DAB1: variants seen among roughly 807,000 people sequenced by gnomAD.
DAB1 encodes the protein DAB adaptor protein 1, also known as disabled homolog 1.
Under a neutral mutation model 64.6 loss-of-function variants are expected in DAB1, and 15 were observed. The observed-to-expected ratio is 0.23, with a 90% CI of 0.16 to 0.36. The LOEUF (loss-of-function observed/expected upper bound fraction) is 0.36. Ranked by LOEUF, DAB1 falls within the 10% of genes least tolerant of loss-of-function variation. DAB1 has a pLI of 1.00. For missense variants in DAB1, 596 were observed against 706.7 expected (o/e 0.84, Z 1.78); for synonymous variants, 235 against 251.9 (o/e 0.93, Z 0.64).
chr1:57,011,078 T>C, intron 13 of DAB1, 67 bp downstream of exon 13: 1 of 1,592,338 alleles, frequency 6.3e-7, no homozygotes. Flanking sequence ...TCATGCATTA[T>C]CCATTTCAGT....
At chr1:57,671,488 G>A (rs1646509737) in intron 6 of DAB1, among the ~76,000 whole-genome samples, 1 of 151,996 alleles carries the variant, frequency 6.6e-6, no homozygotes, top group Non-Finnish European at 1.5e-5. Context: ...TTTAAAAATG[G>A]ATATATAGCA....
At chr1:58,210,995 G>A (rs570901735) in intron 4 of DAB1, among the ~76,000 whole-genome samples, 7 of 152,278 alleles carry the variant, frequency 4.6e-5, no homozygotes, top group Middle Eastern at 3.4e-3. Context: ...TCTAGGTAAC[G>A]AGAACCGATC....
chr1:58,100,015 A>G (rs1029492041), intron 5 of DAB1, among the ~76,000 whole-genome samples: 1 of 152,196 alleles, frequency 6.6e-6, no homozygotes, highest in Non-Finnish European at 1.5e-5. Flanking sequence ...TAACTTGCTT[A>G]TCACCACCCT....
chr1:57,060,986 A>C (rs976015570), intron 9 of DAB1, among the ~76,000 whole-genome samples: 3 of 152,086 alleles, frequency 2.0e-5, no homozygotes, highest in African/African-American at 7.2e-5. Flanking sequence ...TCAGGCACAA[A>C]CTGAATTGTA....
chr1:57,355,919 CAA>C (rs869246021), intron 1 of DAB1, among the ~76,000 whole-genome samples: 1 of 135,624 alleles, frequency 7.4e-6, no homozygotes, highest in South Asian at 2.4e-4. Context: ...CACACACACA[CAA>C]AATGTCCTCT....
intron 3 of DAB1, among the ~76,000 whole-genome samples, chr1:58,355,687 TA>T (rs1456828817): frequency 6.6e-6 from 1 of 152,182 alleles, no homozygotes; most frequent in Non-Finnish European, 1.5e-5. Flanking sequence ...TCTTCCCCCT[TA>T]TTTCCTGGGA....
At position 58,254,483 on chromosome 1, in the gene DAB1, G is replaced by T. The variant is rs1352726788; in HGVS notation, n.309+88869C>A. Among the ~76,000 whole-genome samples the T allele has an allele frequency of 6.1e-4, 80 of 130,120 alleles. 2 individuals carry two copies. The highest frequency in any genetic ancestry group is 2.3e-3 in the African/African-American group (76 of 33,364). The allele number at this position is 130,120 out of a possible 152,430, so 85.4% of individuals were successfully genotyped here. A position where few individuals can be genotyped will look rare whatever the true frequency, so the allele number is the denominator to read the frequency against. Reference sequence around the variant, plus strand: ...ATGTATACATGTGCCATGCTGGTGCGCTGCACCCACTAACTCGTCATCTAG... The same window carrying T: ...ATGTATACATGTGCCATGCTGGTGCTCTGCACCCACTAACTCGTCATCTAG... On this transcript the variant is annotated intron_variant and non_coding_transcript_variant, in intron 4 of 20. Transcript: ENST00000485760.
intron 5 of DAB1, among the ~76,000 whole-genome samples, chr1:57,922,373 G>A (rs190924230): frequency 6.6e-6 from 1 of 152,130 alleles, no homozygotes; most frequent in East Asian, 1.9e-4. Flanking sequence ...GTAGAAGGAA[G>A]AAAGGAAGGA....
chr1:57,317,933 G>T (rs752777211), intron 1 of DAB1, among the ~76,000 whole-genome samples: 13 of 152,120 alleles, frequency 8.5e-5, no homozygotes, highest in Non-Finnish European at 1.9e-4. Flanking sequence ...TGCCTAGTCT[G>T]CTTTTGTGAA....
chr1:58,072,392 G>A (rs1187274402), intron 5 of DAB1, among the ~76,000 whole-genome samples: 3 of 152,048 alleles, frequency 2.0e-5, no homozygotes, highest in Non-Finnish European at 2.9e-5. Context: ...CAATCCAGAA[G>A]CAAAAAACCC....
At chr1:57,267,456 T>G (rs1364801789) in intron 2 of DAB1, among the ~76,000 whole-genome samples, 1 of 152,204 alleles carries the variant, frequency 6.6e-6, no homozygotes, top group East Asian at 1.9e-4. Context: ...AGAGAGGAAG[T>G]GTTTTCTCTA....
chr1:57,512,752 C>A (rs1644419336), intron 7 of DAB1, among the ~76,000 whole-genome samples: 1 of 152,202 alleles, frequency 6.6e-6, no homozygotes, highest in Non-Finnish European at 1.5e-5. Flanking sequence ...ATTGCCTGGA[C>A]CCCAGCTTTT....
chr1:57,353,744 C>A (rs570002326), intron 1 of DAB1, among the ~76,000 whole-genome samples: 1 of 152,146 alleles, frequency 6.6e-6, no homozygotes, highest in Non-Finnish European at 1.5e-5. Flanking sequence ...TTTGCTACAG[C>A]TCCCTGCTCC....
At chr1:58,228,990 C>T (rs1659649210) in intron 4 of DAB1, 2 of 433,728 alleles carry the variant, frequency 4.6e-6, no homozygotes, top group Non-Finnish European at 9.0e-6. Context: ...CAGCCCGAAG[C>T]CCCTGTCCCA....
In DAB1 at chr1:57,017,453, G is replaced by A. The variant is rs1356139420; in HGVS notation, c.896-2022C>T. Among the ~76,000 whole-genome samples, 3 of 152,140 alleles carry A rather than the reference G, an allele frequency of 2.0e-5. No homozygotes were observed. In the East Asian group the frequency reaches 5.8e-4, roughly 29 times the overall value. ...TGAGCCCAGAGAGATCCAATGCAGG[G>A]TGCCTCACTCCATGCTCAAGTCACA... On this transcript the variant is annotated intron_variant, in intron 11 of 14. Coordinates refer to ENST00000371236, the MANE Select transcript of DAB1 (RefSeq NM_001365792.1).
chr1:58,426,830 T>C (rs79469001), intron 3 of DAB1, among the ~76,000 whole-genome samples: 2,533 of 152,292 alleles, frequency 0.017, 37 homozygotes, highest in South Asian at 0.029. Context: ...CTATACTCTA[T>C]TACATGGTGA....
intron 2 of DAB1, among the ~76,000 whole-genome samples, chr1:57,242,072 T>C (rs1668534522): frequency 1.3e-5 from 2 of 152,128 alleles, no homozygotes; most frequent in African/African-American, 4.8e-5. Flanking sequence ...GACTAGAAAC[T>C]AGACTAGACT....
intron 7 of DAB1, among the ~76,000 whole-genome samples, chr1:57,555,396 T>G (rs1416392274): frequency 6.6e-6 from 1 of 150,612 alleles, no homozygotes. Context: ...TCTGGGTTTT[T>G]TTTTTTTTTT....
intron 9 of DAB1, among the ~76,000 whole-genome samples, chr1:57,046,964 C>A (rs762234663): frequency 6.6e-6 from 1 of 152,156 alleles, no homozygotes; most frequent in Non-Finnish European, 1.5e-5. Flanking sequence ...GTAGGATGAC[C>A]CTAAATCCTG....
Sources: gnomAD v4.1 joint callset for allele counts (sites outside exome capture counted in the v4.1 genomes callset) on GRCh38, gnomAD v4.1.1 for gene constraint, MANE v1.5 for transcripts, NCBI Gene and HGNC (gene_info 2026-07-23, HGNC 2026-07-21) for gene names.